Variants in DOCK11 observed in about 807,000 individuals in gnomAD.
The protein encoded by DOCK11 is dedicator of cytokinesis 11.
In DOCK11, 70 loss-of-function variants were observed where a neutral mutation model predicts 169.1. That is an observed-to-expected ratio of 0.41 (90% CI 0.34 to 0.51). DOCK11 has a LOEUF of 0.51. Among genes scored for constraint, DOCK11 ranks in the 20% least tolerant of loss-of-function variants. DOCK11 has a pLI of 0.10. For synonymous variants in DOCK11, 529 were observed against 541.3 expected, an observed-to-expected ratio of 0.98 and a Z score of 0.32; for missense variants, 1,166 against 1,538.8, an observed-to-expected ratio of 0.76 and a Z score of 4.05.
At chrX:118,532,552 G>T (rs1376778302) in intron 1 of DOCK11, among the ~76,000 whole-genome samples, 1 of 109,412 alleles carries the variant, frequency 9.1e-6, no homozygotes, top group Non-Finnish European at 1.9e-5. Context: ...AGGCCGAGGC[G>T]GGTGGATCAC....
intron 35 of DOCK11, among the ~76,000 whole-genome samples, chrX:118,635,410 AGT>A: frequency 8.9e-6 from 1 of 111,841 alleles, no homozygotes; most frequent in African/African-American, 3.3e-5. Flanking sequence ...AATCTCACTA[AGT>A]AGGTGTGTTG....
chrX:118,590,432 A>G, intron 19 of DOCK11, 130 bp downstream of exon 19: 4 of 550,477 alleles, frequency 7.3e-6, no homozygotes, highest in Admixed American at 3.5e-5. Flanking sequence ...AGAAAATATT[A>G]CAACAAAACA....
chrX:118,588,189 A>G lies in DOCK11; in HGVS notation c.1848A>G (p.Gln616=). 1 of 1,204,188 alleles carries G rather than the reference A, an allele frequency of 8.3e-7. No individual in the cohort carries two copies. Residue 616 remains glutamine, a synonymous_variant, in exon 17 of 53, where the codon CAA becomes CAG. Coordinates refer to ENST00000276202, the MANE Select transcript of DOCK11 (RefSeq NM_144658.4). The stretch of plus-strand genomic sequence containing the variant: ...TGAAGCCTTTTGAAAAGAATTGCCA[A>G]AATATTACTGTGGAGGTTGAAGAGT... ...VPLKPFEKNC[Q]NITVEVEEFV...
chrX:118,609,559 C>T (rs939052248), intron 27 of DOCK11, among the ~76,000 whole-genome samples: 1 of 112,148 alleles, frequency 8.9e-6, no homozygotes, highest in African/African-American at 3.2e-5. Context: ...TGAGGTCTCG[C>T]AGTTGATATG....
rs187156744 is a variant in DOCK11, at chrX:118,578,691, A to T, written c.1512+44A>T. The T allele has an allele frequency of 2.6e-4, 304 of 1,150,719 alleles. 1 individual carries two copies. In the African/African-American group the frequency reaches 4.4e-3, roughly 17 times the overall value. The allele number at this position is 1,150,719 out of a possible 1,213,427, so 94.8% of individuals were successfully genotyped here. ...TGATCAACATTTCACCTTAACGTAG[A>T]ATTTGCCTTTTACTGATATTTTAAA... On this transcript the variant is annotated intron_variant, in intron 13 of 52. Transcript: ENST00000276202.
chrX:118,581,240 T>C (rs1294808), intron 14 of DOCK11, among the ~76,000 whole-genome samples: 48,221 of 109,779 alleles, frequency 0.44, 8,419 homozygotes, highest in African/African-American at 0.62. Flanking sequence ...TAATTAACTC[T>C]TTTATTTGTC....
rs369426626 is a variant in DOCK11 at position 118,597,989 on chromosome X, A to G, written c.2386-41A>G. The G allele has an allele frequency of 8.0e-6, 8 of 997,597 alleles. No homozygotes were observed. The African/African-American group carries it at 1.5e-4, about 19-fold the overall frequency. The allele number at this position is 997,597 out of a possible 1,213,427, so 82.2% of individuals were successfully genotyped here. On this transcript the variant is annotated intron_variant, in intron 21 of 52. Transcript: ENST00000276202. ...TAAAGGTATTATATGTTATTCATCT[A>G]TCCATTATTATGTTATAGAATCTCA...
chrX:118,608,547 T>C (rs2014598220), intron 26 of DOCK11, among the ~76,000 whole-genome samples, 191 bp downstream of exon 26: 1 of 111,079 alleles, frequency 9.0e-6, no homozygotes, highest in African/African-American at 3.3e-5. Flanking sequence ...CCCCCTGCCC[T>C]CATTTAAATG....
intron 45 of DOCK11, among the ~76,000 whole-genome samples, chrX:118,668,069 G>A (rs1306411427): frequency 4.5e-5 from 5 of 111,576 alleles, no homozygotes; most frequent in East Asian, 5.6e-4. Context: ...CCATATGCAC[G>A]GAACAATTTT....
At chrX:118,646,069 A>C (rs1469984383) in intron 40 of DOCK11, among the ~76,000 whole-genome samples, 18 of 106,764 alleles carry the variant, frequency 1.7e-4, no homozygotes, top group African/African-American at 6.1e-4. Context: ...AAAAAAAAAA[A>C]AAAAAAACAC....
intron 1 of DOCK11, among the ~76,000 whole-genome samples, chrX:118,523,724 A>G (rs998603346): frequency 1.8e-5 from 2 of 111,981 alleles, no homozygotes; most frequent in African/African-American, 6.5e-5. Context: ...GAAAATGAAT[A>G]TGTATTGCTT....
chrX:118,551,559 A>T (rs774683353), intron 6 of DOCK11, among the ~76,000 whole-genome samples: 39 of 110,740 alleles, frequency 3.5e-4, no homozygotes, highest in Non-Finnish European at 4.9e-4. Context: ...TTAGCTGGGC[A>T]TGGTGACGCA....
At chrX:118,639,692 A>G in intron 38 of DOCK11, 115 bp downstream of exon 38, 1 of 773,105 alleles carries the variant, frequency 1.3e-6, no homozygotes, top group Non-Finnish European at 1.8e-6. Context: ...CATTATATGC[A>G]TGTAACAAAA....
chrX:118,633,061 CAA>C (rs1391110327), intron 35 of DOCK11: 1 of 108,694 alleles, frequency 9.2e-6, no homozygotes, highest in Non-Finnish European at 1.9e-5. Context: ...GCCCAGACTC[CAA>C]AAAGACACTC....
chrX:118,519,539 A>G (rs1308133324), intron 1 of DOCK11, among the ~76,000 whole-genome samples: 3 of 111,907 alleles, frequency 2.7e-5, no homozygotes, highest in Non-Finnish European at 3.8e-5. Flanking sequence ...ACTCTGTCTC[A>G]AAACAGAAAA....
chrX:118,660,485 G>A (rs2016185052), intron 44 of DOCK11, among the ~76,000 whole-genome samples: 1 of 110,272 alleles, frequency 9.1e-6, no homozygotes, highest in Non-Finnish European at 1.9e-5. Context: ...ATTATTTTTT[G>A]AGATGGCGTC....
Position 118,639,528 on chromosome X carries a change from C to T in DOCK11, c.4095C>T (p.Ala1365=). 13 of 1,210,270 alleles carry T rather than the reference C, an allele frequency of 1.1e-5. No homozygotes were observed. Among genetic ancestry groups the T allele is most frequent in the Non-Finnish European group, 1.5e-5 (13 of 894,700 alleles). The change falls in exon 38 of 53, where the codon GCC becomes GCT. Residue 1365 remains alanine (A), a synonymous_variant. Transcript: ENST00000276202. ...GAAACAGATCAGGAGTAATGCAGGCCCGGCTTCAGCATCTTAGTAGCCTAG... is the reference window on the plus strand; with the variant it reads ...GAAACAGATCAGGAGTAATGCAGGCTCGGCTTCAGCATCTTAGTAGCCTAG... ...ALRNRSGVMQ[A]RLQHLSSLES... is the part of the protein sequence containing the mutation.
chrX:118,556,052 T>C (rs1467784651), intron 6 of DOCK11, among the ~76,000 whole-genome samples: 5 of 108,104 alleles, frequency 4.6e-5, no homozygotes, highest in Non-Finnish European at 9.6e-5. Flanking sequence ...TTCTTTCTTT[T>C]TTTTTTTTTT....
Position 118,566,149 on chromosome X carries a change from C to A in DOCK11, c.838C>A (p.Gln280Lys). The change falls in exon 8 of 53, where the codon CAA becomes AAA. Residue 280 changes from glutamine (Q) to lysine (K), a missense_variant. By Grantham distance (53) the Gln-to-Lys change is moderately conservative. Transcript: ENST00000276202. ...TCAGATCAACACCGACAGTTTAGTT[C>A]AAGAAAAAAAGGAGACGGTAGAAAC... ...IIQINTDSLVQEKKETVETAQ... is the reference protein window; with the variant it reads ...IIQINTDSLVKEKKETVETAQ... 2 of 1,200,185 alleles carry A rather than the reference C, an allele frequency of 1.7e-6. No individual in the cohort carries two copies. The highest frequency in any genetic ancestry group is 2.3e-5 in the Admixed American group (1 of 43,087).
Sources: gnomAD v4.1 joint callset for allele counts (sites outside exome capture counted in the v4.1 genomes callset) on GRCh38, gnomAD v4.1.1 for gene constraint, MANE v1.5 for transcripts, NCBI Gene and HGNC (gene_info 2026-07-23, HGNC 2026-07-21) for gene names.